Variants in KCNK15 observed in about 807,000 individuals in gnomAD.
The protein encoded by KCNK15 is potassium two pore domain channel subfamily K member 15, also known as potassium channel subfamily K member 15.
A neutral mutation model predicts 8.5 loss-of-function variants in KCNK15; 9 were observed. The observed-to-expected ratio is 1.06, with a 90% CI of 0.64 to 1.85. The LOEUF (loss-of-function observed/expected upper bound fraction) is 1.85. KCNK15 is among the 40% of genes most tolerant of loss of function. The pLI, the probability that KCNK15 is intolerant of heterozygous loss-of-function variation, is 0.00. For synonymous variants in KCNK15, 224 were observed against 232.7 expected (o/e 0.96, Z 0.34); for missense variants, 467 against 476.8 (o/e 0.98, Z 0.19).
Position 44,750,122 on chromosome 20 carries a change from T to C in KCNK15, c.284-7T>C. 1 of 1,599,122 alleles carries C rather than the reference T, an allele frequency of 6.3e-7. No homozygotes were observed. Among genetic ancestry groups the C allele is most frequent in the South Asian group, 1.1e-5 (1 of 89,118 alleles). On this transcript the variant is annotated splice_polypyrimidine_tract_variant and splice_region_variant and intron_variant, in intron 1 of 1. Transcript: ENST00000372861. Reference sequence around the variant, plus strand: ...TCACAGCCCTCCCCTCCGCTCTCCCTGCATAGAGTACGGCCACGCCGCGCC... The same window carrying C: ...TCACAGCCCTCCCCTCCGCTCTCCCCGCATAGAGTACGGCCACGCCGCGCC...
rs1199767437 is a variant in KCNK15 at position 44,750,271 on chromosome 20, G to T, written c.426G>T (p.Ala142=). Residue 142 remains alanine (A), a synonymous_variant, in exon 2 of 2, where the codon GCG becomes GCT. Transcript: ENST00000372861. ...CGGTGGTGCGGCGCCTCCTGTTGGC[G>T]GCCAAGTGCTGCCTGGGCCTGCGGT... is the stretch of plus-strand genomic sequence containing the variant. ...LNAVVRRLLL[A]AKCCLGLRWT... is the part of the protein sequence containing the mutation. 4 of 1,606,200 alleles carry T rather than the reference G, an allele frequency of 2.5e-6. No homozygotes were observed. The highest frequency in any genetic ancestry group is 3.4e-6 in the Non-Finnish European group (4 of 1,177,268).
At position 44,745,988 on chromosome 20, in the gene KCNK15, C is replaced by A; in HGVS notation, c.78C>A (p.Phe26Leu). 1 of 1,518,576 alleles carries A rather than the reference C, an allele frequency of 6.6e-7. No individual in the cohort carries two copies. Among genetic ancestry groups the A allele is most frequent in the South Asian group, 1.3e-5 (1 of 79,410 alleles). 94.1% of individuals were successfully genotyped at this position (1,518,576 alleles called of 1,614,324 possible). ...ACCTGCTGGTGGGCGCTGCTGTCTTCGACGCGCTCGAGTCCGAGGCGGAAA... is the reference window on the plus strand; with the variant it reads ...ACCTGCTGGTGGGCGCTGCTGTCTTAGACGCGCTCGAGTCCGAGGCGGAAA... ...LCYLLVGAAVFDALESEAESG... is the reference protein window; with the variant it reads ...LCYLLVGAAVLDALESEAESG... Residue 26 changes from phenylalanine to leucine, a missense_variant, in exon 1 of 2, where the codon TTC (phenylalanine) becomes TTA (leucine). Physicochemically the swap from Phe to Leu is conservative, Grantham distance 22. Transcript: ENST00000372861.
At position 44,750,678 on chromosome 20, in the gene KCNK15, G is replaced by A. The variant is rs1022458904; in HGVS notation, c.833G>A (p.Arg278His). The change falls in exon 2 of 2, where the codon CGC becomes CAC. Residue 278 changes from arginine (R) to histidine (H), a missense_variant. Around this residue, in one of 2 missense-constraint regions of KCNK15, gnomAD observed 455 missense variants for 441.2 expected, o/e 1.03. Transcript: ENST00000372861. ...APESRGLWLP[R>H]RPARSVGSAS... ...GAGAGCCGTGGCCTCTGGCTGCCCC[G>A]CCGCCCGGCCCGCTCCGTGGGCTCC... 16 of 1,475,102 alleles carry A rather than the reference G, an allele frequency of 1.1e-5. No homozygotes were observed. Among genetic ancestry groups the A allele is most frequent in the South Asian group, 1.3e-5 (1 of 77,672 alleles). The allele number at this position is 1,475,102 out of a possible 1,614,324, so 91.4% of individuals were successfully genotyped here.
intron 1 of KCNK15, among the ~76,000 whole-genome samples, chr20:44,747,687 C>T (rs1223937891): frequency 2.0e-5 from 3 of 152,238 alleles, no homozygotes; most frequent in Non-Finnish European, 2.9e-5. Context: ...CTTTTCTGGC[C>T]ACTTGGGGGC....
chr20:44,745,914 C>G lies in KCNK15; in HGVS notation c.4C>G (p.Arg2Gly). 1 of 1,314,038 alleles carries G rather than the reference C, an allele frequency of 7.6e-7. No individual in the cohort carries two copies. Among genetic ancestry groups the G allele is most frequent in the South Asian group, 2.4e-5 (1 of 42,146 alleles). 81.4% of individuals were successfully genotyped at this position (1,314,038 alleles called of 1,614,324 possible). A position where few individuals can be genotyped will look rare whatever the true frequency, so the allele number is the denominator to read the frequency against. The change falls in exon 1 of 2, where the codon CGG (arginine) becomes GGG (glycine). Residue 2 changes from arginine to glycine, a missense_variant. Arg to Gly is a moderately radical substitution (Grantham distance 125). Transcript: ENST00000372861. ...CGGGTACCGGGGCCGGGGCGCCATG[C>G]GGAGGCCGAGCGTGCGCGCGGCCGG... is the stretch of plus-strand genomic sequence containing the variant. M[R>G]RPSVRAAGLV...
In KCNK15 at chr20:44,750,199, C is replaced by G. The variant is rs2145436174; in HGVS notation, c.354C>G (p.Ile118Met). 6.2e-7 allele frequency: 1 copy of G among 1,612,850 alleles called. No individual in the cohort carries two copies. Among genetic ancestry groups the G allele is most frequent in the East Asian group, 2.2e-5 (1 of 44,834 alleles). ...VFCMFYALLG[I>M]PLTLVTFQSL... is the part of the protein sequence containing the mutation. ...GCATGTTCTACGCGCTCCTGGGCAT[C>G]CCGCTGACGCTGGTCACTTTCCAGA... The change falls in exon 2 of 2, where the codon ATC (isoleucine) becomes ATG (methionine). Residue 118 changes from isoleucine to methionine, a missense_variant. This residue lies in a region of KCNK15 where 455 missense variants were observed against 441.2 expected (regional missense o/e 1.03). Coordinates refer to ENST00000372861, the MANE Select transcript of KCNK15 (RefSeq NM_022358.4).
chr20:44,747,487 G>A lies in KCNK15; in HGVS notation c.283+1294G>A, dbSNP rs564532038. Among the ~76,000 whole-genome samples the A allele has an allele frequency of 7.2e-5, 11 of 152,294 alleles. No homozygotes were observed. The South Asian group carries it at 2.3e-3, about 32-fold the overall frequency. On this transcript the variant is annotated intron_variant, in intron 1 of 1. Coordinates refer to ENST00000372861, the MANE Select transcript of KCNK15 (RefSeq NM_022358.4). Reference sequence around the variant, plus strand: ...CATGGACACCCCTGCTTCCTATCTTGGTACACCTGAGACCCTCCTGGTTAC... The same window carrying A: ...CATGGACACCCCTGCTTCCTATCTTAGTACACCTGAGACCCTCCTGGTTAC...
chr20:44,750,350 G>A lies in KCNK15; in HGVS notation c.505G>A (p.Ala169Thr), dbSNP rs1264928602. 3 of 1,612,426 alleles carry A rather than the reference G, an allele frequency of 1.9e-6. No homozygotes were observed. The highest frequency in any genetic ancestry group is 1.7e-6 in the Non-Finnish European group (2 of 1,179,596). Residue 169 changes from alanine (A) to threonine (T), a missense_variant, in exon 2 of 2, where the codon GCC becomes ACC. Ala to Thr is a moderately conservative substitution (Grantham distance 58). This residue lies in a region of KCNK15 where 455 missense variants were observed against 441.2 expected (regional missense o/e 1.03). Coordinates refer to ENST00000372861, the MANE Select transcript of KCNK15 (RefSeq NM_022358.4). Reference sequence around the variant, plus strand: ...GGTGGCCGGGCTGCTGGCGTGTGCCGCCACCCTGGCCCTCGGGGCCGTCGC... The same window carrying A: ...GGTGGCCGGGCTGCTGGCGTGTGCCACCACCCTGGCCCTCGGGGCCGTCGC... The part of the protein sequence containing the change: ...LVVAGLLACA[A>T]TLALGAVAFS...
chr20:44,748,528 C>A (rs2066016452), intron 1 of KCNK15, among the ~76,000 whole-genome samples: 1 of 152,184 alleles, frequency 6.6e-6, no homozygotes, highest in East Asian at 1.9e-4. Flanking sequence ...CCCACCCTGT[C>A]TCTCAGCTCA....
rs2066033593 is a variant in KCNK15, at chr20:44,751,797, A to T, written c.*959A>T. Reference sequence around the variant, plus strand: ...TAGGGCTGTCTCAACACAAAGCATGAACGAGCCAGGTTAGAAAAGCCAAAA... The same window carrying T: ...TAGGGCTGTCTCAACACAAAGCATGTACGAGCCAGGTTAGAAAAGCCAAAA... On this transcript the variant is annotated 3_prime_UTR_variant, in exon 2 of 2. Coordinates refer to ENST00000372861, the MANE Select transcript of KCNK15 (RefSeq NM_022358.4). 1 of 152,234 alleles carries T rather than the reference A, an allele frequency of 6.6e-6. No homozygotes were observed. The highest frequency in any genetic ancestry group is 2.1e-4 in the South Asian group (1 of 4,830). The allele number at this position is 152,234 out of a possible 1,614,324, so 9.4% of individuals were successfully genotyped here. A position where few individuals can be genotyped will look rare whatever the true frequency, so the allele number is the denominator to read the frequency against.
Position 44,750,311 on chromosome 20 carries a change from ACGGAGAAC to A in KCNK15, c.468_475del (p.Glu157GlyfsTer202). On this transcript the variant is annotated frameshift_variant, in exon 2 of 2. Coordinates refer to ENST00000372861, the MANE Select transcript of KCNK15 (RefSeq NM_022358.4). LOFTEE classifies it low-confidence loss of function (END_TRUNC). ...GGGCCTGCGGTGGACGTGCGTGTCCACGGAGAACCTGGTGGTGGCCGGGCTGCTGGCGT... is the reference window on the plus strand; with the variant it reads ...GGGCCTGCGGTGGACGTGCGTGTCCACTGGTGGTGGCCGGGCTGCTGGCGT... 1 of 1,608,630 alleles carries A rather than the reference ACGGAGAAC, an allele frequency of 6.2e-7. No individual in the cohort carries two copies. The highest frequency in any genetic ancestry group is 8.5e-7 in the Non-Finnish European group (1 of 1,178,224).
intron 1 of KCNK15, chr20:44,746,632 C>G: frequency 6.2e-6 from 1 of 160,460 alleles, no homozygotes; most frequent in Non-Finnish European, 1.4e-5. Context: ...GCTAATCGGC[C>G]TTATCTCAGG....
Position 44,750,388 on chromosome 20 carries a change from C to G in KCNK15, c.543C>G (p.Phe181Leu), listed in dbSNP as rs760824585. ...LALGAVAFSH[F>L]EGWTFFHAYY... is the part of the protein sequence containing the mutation. ...TCGGGGCCGTCGCCTTCTCGCACTT[C>G]GAGGGCTGGACCTTCTTCCACGCCT... The change falls in exon 2 of 2, where the codon TTC becomes TTG. Residue 181 changes from phenylalanine (F) to leucine (L), a missense_variant. Coordinates refer to ENST00000372861, the MANE Select transcript of KCNK15 (RefSeq NM_022358.4). 1.9e-6 allele frequency: 3 copies of G among 1,613,884 alleles called. No homozygotes were observed. Among genetic ancestry groups the G allele is most frequent in the South Asian group, 1.1e-5 (1 of 91,084 alleles).
At chr20:44,746,904 G>A (rs1269933624) in intron 1 of KCNK15, 5 of 152,242 alleles carry the variant, frequency 3.3e-5, no homozygotes, top group African/African-American at 4.8e-5. Flanking sequence ...CAGGGATGCA[G>A]AGCAGTTCCT....
rs1111032 is a variant in KCNK15, at chr20:44,750,129, A to G, written c.284A>G (p.Glu95Gly). Residue 95 changes from glutamate (E) to glycine (G), a missense_variant and splice_region_variant, in exon 2 of 2, where the codon GAG becomes GGG. This residue lies in a region of KCNK15 where 455 missense variants were observed against 441.2 expected (regional missense o/e 1.03). Coordinates refer to ENST00000372861, the MANE Select transcript of KCNK15 (RefSeq NM_022358.4). ...YFAITVITTI[E>G]YGHAAPGTDS... is the part of the protein sequence containing the mutation. ...CCTCCCCTCCGCTCTCCCTGCATAG[A>G]GTACGGCCACGCCGCGCCGGGTACG... 0.51 allele frequency: 815,849 copies of G among 1,602,556 alleles called. 211,047 individuals carry two copies. The highest frequency in any genetic ancestry group is 0.75 in the African/African-American group (56,381 of 74,890).
intron 1 of KCNK15, 96 bp downstream of exon 1, chr20:44,746,289 A>T: frequency 5.1e-6 from 6 of 1,174,194 alleles, no homozygotes; most frequent in Non-Finnish European, 6.7e-6. Context: ...CGCCCAGCTG[A>T]GCTACTTTGG....
rs774071891 is a variant in KCNK15, at chr20:44,746,150, C to A, written c.240C>A (p.Phe80Leu). 3.5e-6 allele frequency: 5 copies of A among 1,417,616 alleles called. No homozygotes were observed. In the African/African-American group the frequency reaches 4.5e-5, roughly 13 times the overall value. 87.8% of individuals were successfully genotyped at this position (1,417,616 alleles called of 1,614,324 possible). A position where few individuals can be genotyped will look rare whatever the true frequency, so the allele number is the denominator to read the frequency against. The change falls in exon 1 of 2, where the codon TTC (phenylalanine) becomes TTA (leucine). Residue 80 changes from phenylalanine to leucine, a missense_variant. Coordinates refer to ENST00000372861, the MANE Select transcript of KCNK15 (RefSeq NM_022358.4). ...EPHRAGRQWK[F>L]PGSFYFAITV... Reference sequence around the variant, plus strand: ...ACCGCGCCGGCCGCCAGTGGAAGTTCCCCGGCTCCTTCTACTTCGCCATCA... The same window carrying A: ...ACCGCGCCGGCCGCCAGTGGAAGTTACCCGGCTCCTTCTACTTCGCCATCA...
In KCNK15 at chr20:44,750,257, C is replaced by T. The variant is rs1229857523; in HGVS notation, c.412C>T (p.Arg138Cys). Residue 138 changes from arginine to cysteine, a missense_variant, in exon 2 of 2, where the codon CGC becomes TGC. Physicochemically the swap from Arg to Cys is radical, Grantham distance 180 (BLOSUM62 -3). Around this residue, in one of 2 missense-constraint regions of KCNK15, gnomAD observed 455 missense variants for 441.2 expected, o/e 1.03. Coordinates refer to ENST00000372861, the MANE Select transcript of KCNK15 (RefSeq NM_022358.4). ...CGAACGGCTGAACGCGGTGGTGCGG[C>T]GCCTCCTGTTGGCGGCCAAGTGCTG... ...LGERLNAVVR[R>C]LLLAAKCCLG... is the part of the protein sequence containing the mutation. The T allele has an allele frequency of 6.2e-7, 1 of 1,607,366 alleles. No homozygotes were observed. The highest frequency in any genetic ancestry group is 1.1e-5 in the South Asian group (1 of 90,468).
chr20:44,750,116 T>A lies in KCNK15; in HGVS notation c.284-13T>A. 6.3e-7 allele frequency: 1 copy of A among 1,588,378 alleles called. No individual in the cohort carries two copies. The highest frequency in any genetic ancestry group is 8.6e-7 in the Non-Finnish European group (1 of 1,167,150). On this transcript the variant is annotated splice_polypyrimidine_tract_variant and intron_variant, in intron 1 of 1. Coordinates refer to ENST00000372861, the MANE Select transcript of KCNK15 (RefSeq NM_022358.4). ...GGGCGCTCACAGCCCTCCCCTCCGC[T>A]CTCCCTGCATAGAGTACGGCCACGC...
Sources: allele counts gnomAD v4.1 joint callset (sites outside exome capture counted in the v4.1 genomes callset), GRCh38; gene constraint gnomAD v4.1.1; regional missense constraint gnomAD v4.1.1; transcripts MANE v1.5; gene names NCBI Gene and HGNC (gene_info 2026-07-23, HGNC 2026-07-21).